The following ACAA1 variants were observed in gnomAD, a reference collection of about 807,000 sequenced individuals.
The protein encoded by ACAA1 is 3-ketoacyl-CoA thiolase, peroxisomal.
In ACAA1, 44 loss-of-function variants were observed where a neutral mutation model predicts 48.8. The observed-to-expected ratio is 0.90, with a 90% CI of 0.71 to 1.16. ACAA1 has a LOEUF of 1.16. Ranked by LOEUF, ACAA1 falls within the 50% of genes most tolerant of loss-of-function variation. ACAA1 has a pLI of 0.00. For missense variants in ACAA1, 512 were observed against 562.3 expected (o/e 0.91, Z 0.90); for synonymous variants, 233 against 226.5 (o/e 1.03, Z -0.26).
chr3:38,124,459 T>C (rs533421623), intron 11 of ACAA1: 1 of 151,972 alleles, frequency 6.6e-6, no homozygotes, highest in Non-Finnish European at 1.5e-5. Flanking sequence ...TACGAAAAAT[T>C]AGCTGGGTGT....
chr3:38,124,087 C>T (rs190083169), intron 11 of ACAA1: 10 of 152,174 alleles, frequency 6.6e-5, no homozygotes, highest in Admixed American at 6.5e-4. Flanking sequence ...TCACAGGCTA[C>T]TTTACACAAT....
At position 38,136,945 on chromosome 3, in the gene ACAA1, G is replaced by A. The variant is rs1449637156; in HGVS notation, c.91C>T (p.Pro31Ser). 1.3e-6 allele frequency: 2 copies of A among 1,545,204 alleles called. No homozygotes were observed. Among genetic ancestry groups the A allele is most frequent in the African/African-American group, 1.4e-5 (1 of 72,402 alleles). Residue 31 changes from proline to serine, a missense_variant, in exon 1 of 12, where the codon CCG becomes TCG. Physicochemically the swap from Pro to Ser is moderately conservative, Grantham distance 74. Transcript: ENST00000333167. ...PQAAPCLSGAPQASAADVVVV... is the reference protein window; with the variant it reads ...PQAAPCLSGASQASAADVVVV... ...ACCACGTCCGCGGCCGAGGCCTGCG[G>A]GGCACCGCTCAGGCAAGGCGCGGCC...
chr3:38,134,410 A>G (rs1227745839), intron 2 of ACAA1: 1 of 443,606 alleles, frequency 2.3e-6, no homozygotes, highest in Non-Finnish European at 4.5e-6. Flanking sequence ...CATCCGCTGG[A>G]TAAGACTCTT....
chr3:38,134,041 G>T, intron 2 of ACAA1, 32 bp from the exon 3 acceptor site: 1 of 1,605,090 alleles, frequency 6.2e-7, no homozygotes, highest in South Asian at 1.1e-5. Context: ...TCAGTGCCAG[G>T]CGGTGGTGTT....
intron 5 of ACAA1, among the ~76,000 whole-genome samples, chr3:38,130,875 G>A (rs1700773019): frequency 6.6e-6 from 1 of 152,224 alleles, no homozygotes; most frequent in African/African-American, 2.4e-5. Context: ...AAGAGGATGT[G>A]AAAGGCAGCG....
Position 38,133,878 on chromosome 3 carries a change from A to G in ACAA1, c.323+74T>C, listed in dbSNP as rs73827627. ...CAACCTTATCCTCCCCAACCTGCAC[A>G]CTGAGTTTCCTGGGGCCTGGGCCCA... On this transcript the variant is annotated intron_variant, in intron 3 of 11. Coordinates refer to ENST00000333167, the MANE Select transcript of ACAA1 (RefSeq NM_001607.4). 7.0e-4 allele frequency: 1,067 copies of G among 1,515,666 alleles called. 5 individuals are homozygous for G. The African/African-American group carries it at 9.0e-3, about 13-fold the overall frequency. The allele number at this position is 1,515,666 out of a possible 1,614,324, so 93.9% of individuals were successfully genotyped here. A position where few individuals can be genotyped will look rare whatever the true frequency, so the allele number is the denominator to read the frequency against.
At chr3:38,136,236 G>A (rs578225631) in intron 2 of ACAA1, among the ~76,000 whole-genome samples, 39 of 152,146 alleles carry the variant, frequency 2.6e-4, no homozygotes, top group Admixed American at 1.7e-3. Context: ...AGTTTCTTCT[G>A]TCTTCCTTTT....
In ACAA1 at chr3:38,123,604, G is replaced by A. The variant is rs908720046; in HGVS notation, c.1200-482C>T. ...TGTAGTCCCAGCTATTCAGCAGGCT[G>A]AGGCAAGAGGATCACTTGTGCCTAG... On this transcript the variant is annotated intron_variant, in intron 11 of 11. Transcript: ENST00000333167. 4 of 159,768 alleles carry A rather than the reference G, an allele frequency of 2.5e-5. No individual in the cohort carries two copies. The Admixed American group carries it at 2.5e-4, about 10-fold the overall frequency. 9.9% of individuals were successfully genotyped at this position (159,768 alleles called of 1,614,324 possible). A position where few individuals can be genotyped will look rare whatever the true frequency, so the allele number is the denominator to read the frequency against.
chr3:38,134,633 G>A (rs1264760301), intron 2 of ACAA1: 2 of 429,536 alleles, frequency 4.7e-6, no homozygotes, highest in South Asian at 1.7e-5. Context: ...ACAAAAACAT[G>A]TGCTATATTG....
chr3:38,136,490 G>A, intron 2 of ACAA1, 102 bp downstream of exon 2: 1 of 1,285,766 alleles, frequency 7.8e-7, no homozygotes, highest in Non-Finnish European at 1.1e-6. Flanking sequence ...TCAAGGCCAT[G>A]GAGGTTCCCC....
chr3:38,124,594 A>G (rs995928269), intron 11 of ACAA1: 3 of 152,198 alleles, frequency 2.0e-5, no homozygotes, highest in Non-Finnish European at 4.4e-5. Context: ...GCGCCTGAGT[A>G]AGACCCTGTC....
chr3:38,136,647 G>C lies in ACAA1; in HGVS notation c.210C>G (p.Thr70=), dbSNP rs1242348564. 1 of 1,613,768 alleles carries C rather than the reference G, an allele frequency of 6.2e-7. No individual in the cohort carries two copies. Among genetic ancestry groups the C allele is most frequent in the Non-Finnish European group, 8.5e-7 (1 of 1,179,926 alleles). The change falls in exon 2 of 12, where the codon ACC becomes ACG. Residue 70 remains threonine, a synonymous_variant. Transcript: ENST00000333167. ...TCAGATTCACGTCCTTGAGAACCGC[G>C]GTCATGACTGCCGAGAGAAGCTCGT... ...TPDELLSAVM[T]AVLKDVNLRP... is the part of the protein sequence containing the mutation.
chr3:38,133,457 A>G (rs1700827710), intron 3 of ACAA1: 1 of 154,668 alleles, frequency 6.5e-6, no homozygotes, highest in Admixed American at 6.4e-5. Flanking sequence ...CAGTTCTTAA[A>G]TCTACACATG....
chr3:38,136,856 G>A lies in ACAA1; in HGVS notation c.171+9C>T. 3 of 1,521,950 alleles carry A rather than the reference G, an allele frequency of 2.0e-6. No homozygotes were observed. Among genetic ancestry groups the A allele is most frequent in the Non-Finnish European group, 2.6e-6 (3 of 1,140,174 alleles). 94.3% of individuals were successfully genotyped at this position (1,521,950 alleles called of 1,614,324 possible). ...TCCCACACTCGGCGCCCAGACCCTCGGGCCTCACCTTGAAGCCGCCGCGGC... is the reference window on the plus strand; with the variant it reads ...TCCCACACTCGGCGCCCAGACCCTCAGGCCTCACCTTGAAGCCGCCGCGGC... On this transcript the variant is annotated intron_variant, in intron 1 of 11. Coordinates refer to ENST00000333167, the MANE Select transcript of ACAA1 (RefSeq NM_001607.4).
chr3:38,123,056 AG>A lies in ACAA1; in HGVS notation c.1265del (p.Pro422LeufsTer5), dbSNP rs759027265. On this transcript the variant is annotated frameshift_variant, in exon 12 of 12. Coordinates refer to ENST00000333167, the MANE Select transcript of ACAA1 (RefSeq NM_001607.4). LOFTEE classifies it high-confidence loss of function. The part of the protein sequence containing the change: ...GMGAAAVFEY[P>X]GN ...CAGCCTGGGACCTCACTCAGTTCCC[AG>A]GGTATTCAAAGACGGCAGCGGCTCC... 6.2e-7 allele frequency: 1 copy of A among 1,614,130 alleles called. No homozygotes were observed. Among genetic ancestry groups the A allele is most frequent in the Admixed American group, 1.7e-5 (1 of 60,028 alleles).
rs751301935 is a variant in ACAA1 at position 38,131,946 on chromosome 3, T to C, written c.383A>G (p.Gln128Arg). The stretch of plus-strand genomic sequence containing the variant: ...CTTACCTGCTATGCTGGCCACTGCC[T>C]GTAGCCCCGACGAACACTGTCTATT... ...TVNRQCSSGL[Q>R]AVASIAGGIR... The change falls in exon 4 of 12, where the codon CAG becomes CGG. Residue 128 changes from glutamine (Q) to arginine (R), a missense_variant. Gln to Arg is a conservative substitution (Grantham distance 43). Transcript: ENST00000333167. 3 of 1,614,028 alleles carry C rather than the reference T, an allele frequency of 1.9e-6. No individual in the cohort carries two copies. Among genetic ancestry groups the C allele is most frequent in the Admixed American group, 1.7e-5 (1 of 60,024 alleles).
Position 38,125,590 on chromosome 3 carries a change from TGAGCAGCGTGATG to T in ACAA1, c.1161_1173del (p.Ile388MetfsTer3), listed in dbSNP as rs1318208053. 1 of 1,578,262 alleles carries T rather than the reference TGAGCAGCGTGATG, an allele frequency of 6.3e-7. No homozygotes were observed. The highest frequency in any genetic ancestry group is 8.6e-7 in the Non-Finnish European group (1 of 1,161,584). On this transcript the variant is annotated frameshift_variant, in exon 11 of 12. Transcript: ENST00000333167. LOFTEE classifies it high-confidence loss of function. ...CTCTTCCCACGGCGCTTCAGCTCAT[TGAGCAGCGTGATG>T]ACCTGTCGTGCCCCAGTGCAGCCCA...
chr3:38,132,472 C>T (rs1700808583), intron 3 of ACAA1: 1 of 157,936 alleles, frequency 6.3e-6, no homozygotes, highest in Non-Finnish European at 1.4e-5. Flanking sequence ...TACCAGTAAT[C>T]ATATAGCTAA....
chr3:38,126,818 C>T lies in ACAA1; in HGVS notation c.627-118G>A, dbSNP rs1007271764. 1.9e-5 allele frequency: 24 copies of T among 1,265,052 alleles called. No homozygotes were observed. The African/African-American group carries it at 3.1e-4, about 16-fold the overall frequency. 78.4% of individuals were successfully genotyped at this position (1,265,052 alleles called of 1,614,324 possible). The stretch of plus-strand genomic sequence containing the variant: ...AGGCTGCTAAATTCAGGGACATGCT[C>T]GACTTTGGGGGAGCTCTGAGGGCAT... On this transcript the variant is annotated intron_variant, in intron 7 of 11. Transcript: ENST00000333167. The surrounding 1 kb of genome is among the most constrained non-coding windows in gnomAD (Gnocchi z 4.7).
Sources: allele counts gnomAD v4.1 joint callset (sites outside exome capture counted in the v4.1 genomes callset), GRCh38; gene constraint gnomAD v4.1.1; non-coding constraint Gnocchi (gnomAD v3.1); transcripts MANE v1.5; gene names NCBI Gene and HGNC (gene_info 2026-07-23, HGNC 2026-07-21).